Variants in ST7 observed in about 807,000 individuals in gnomAD.
The protein encoded by ST7 is suppressor of tumorigenicity 7 protein.
A neutral mutation model predicts 78.7 loss-of-function variants in ST7; 28 were observed. That is an observed-to-expected ratio of 0.36 (90% CI 0.26 to 0.49). The LOEUF is 0.49. ST7 is among the 20% of genes least tolerant of loss of function. The pLI is 0.99. For synonymous variants in ST7, 247 were observed against 249.6 expected (o/e 0.99, Z 0.10); for missense variants, 418 against 696.0 (o/e 0.60, Z 4.49).
chr7:117,165,039 G>A (rs1051203545), intron 9 of ST7, among the ~76,000 whole-genome samples: 2 of 152,180 alleles, frequency 1.3e-5, no homozygotes, highest in Non-Finnish European at 2.9e-5. Flanking sequence ...ATTCCAGGTG[G>A]TGAAAACAGT....
intron 1 of ST7, among the ~76,000 whole-genome samples, chr7:117,054,119 T>G (rs893291851): frequency 3.3e-5 from 5 of 152,296 alleles, no homozygotes; most frequent in Non-Finnish European, 2.9e-5. Context: ...ATTACAGGCA[T>G]GAGCCACCGT....
At chr7:116,974,959 C>G (rs189081704) in intron 1 of ST7, among the ~76,000 whole-genome samples, 2 of 152,162 alleles carry the variant, frequency 1.3e-5, no homozygotes, top group African/African-American at 4.8e-5. Flanking sequence ...CCTTGCTTGC[C>G]TCATCTCAAT....
At chr7:117,090,287 C>T (rs1800510150) in intron 1 of ST7, among the ~76,000 whole-genome samples, 1 of 152,070 alleles carries the variant, frequency 6.6e-6, no homozygotes, top group African/African-American at 2.4e-5. Context: ...ACGGCAAAGT[C>T]CCAGCCATCA....
At chr7:117,099,713 A>G (rs1378122136) in intron 1 of ST7, 49 bp from the exon 2 acceptor site, 3 of 1,358,066 alleles carry the variant, frequency 2.2e-6, no homozygotes, top group South Asian at 2.5e-5. Flanking sequence ...TTACTGACAT[A>G]CTCATACATT....
At chr7:117,117,080 A>C (rs758654818) in intron 2 of ST7, among the ~76,000 whole-genome samples, 36 of 152,206 alleles carry the variant, frequency 2.4e-4, no homozygotes, top group Non-Finnish European at 4.3e-4. Flanking sequence ...AGTGACAGAG[A>C]GTAGGGGCTT....
rs1183102543 is a variant in ST7, at chr7:117,026,531, A to G, written c.151+72840A>G. 2.0e-5 allele frequency among the ~76,000 whole-genome samples: 3 copies of G among 152,238 alleles called. No individual in the cohort carries two copies. In the East Asian group the frequency reaches 5.8e-4, roughly 29 times the overall value. On this transcript the variant is annotated intron_variant, in intron 1 of 15. Transcript: ENST00000323984. The stretch of plus-strand genomic sequence containing the variant: ...TTTTATTTGTATTAGTAATTAATTC[A>G]GATACTTATGAGCAAAAAAATGAAT...
At chr7:117,216,633 G>A (rs964965382) in intron 13 of ST7, among the ~76,000 whole-genome samples, 1 of 152,110 alleles carries the variant, frequency 6.6e-6, no homozygotes, top group African/African-American at 2.4e-5. Flanking sequence ...CTTGTGCAGT[G>A]CCTCTACCGG....
chr7:117,098,281 C>G (rs181835146), intron 1 of ST7, among the ~76,000 whole-genome samples: 1 of 151,920 alleles, frequency 6.6e-6, no homozygotes, highest in African/African-American at 2.4e-5. Context: ...AAGGCCCATG[C>G]TGTCTCCTTG....
chr7:116,988,976 C>T (rs188091424), intron 1 of ST7, among the ~76,000 whole-genome samples: 85 of 152,156 alleles, frequency 5.6e-4, no homozygotes, highest in Non-Finnish European at 1.0e-3. Context: ...TTGTCCACAG[C>T]GAATGTATGA....
At chr7:117,107,665 G>A (rs1030566968) in intron 2 of ST7, among the ~76,000 whole-genome samples, 7 of 137,510 alleles carry the variant, frequency 5.1e-5, no homozygotes, top group African/African-American at 2.0e-4. Flanking sequence ...CCAGGCTGGA[G>A]TGCAATGGCA....
At chr7:117,195,108 C>CTATT (rs1238193560) in intron 12 of ST7, among the ~76,000 whole-genome samples, 1 of 151,896 alleles carries the variant, frequency 6.6e-6, no homozygotes, top group Non-Finnish European at 1.5e-5. Flanking sequence ...ATATTTAAGA[C>CTATT]TATTTCTAGC....
intron 15 of ST7, among the ~76,000 whole-genome samples, chr7:117,222,479 T>C (rs1224955362): frequency 6.6e-6 from 1 of 152,256 alleles, no homozygotes; most frequent in East Asian, 1.9e-4. Flanking sequence ...TAAATAATTT[T>C]TTTTAATGGC....
intron 1 of ST7, among the ~76,000 whole-genome samples, chr7:117,009,257 G>GTT (rs1171249318): frequency 1.2e-3 from 23 of 18,434 alleles, no homozygotes; most frequent in African/African-American, 2.9e-3. Flanking sequence ...CTTTTTTTTT[G>GTT]TTTTTTTTTT....
rs145149541 is a variant in ST7 at position 116,983,751 on chromosome 7, C to T, written c.151+30060C>T. Among the ~76,000 whole-genome samples, 164 of 152,258 alleles carry T rather than the reference C, an allele frequency of 1.1e-3. 1 individual carries two copies. Among genetic ancestry groups the T allele is most frequent in the African/African-American group, 3.8e-3 (158 of 41,554 alleles). ...TAGATACCTACCTCGCTTGGCCCCA[C>T]CTATGACTTTAGAACTATGTAGGAA... On this transcript the variant is annotated intron_variant, in intron 1 of 15. Transcript: ENST00000323984.
At chr7:117,060,214 A>G (rs1026489547) in intron 1 of ST7, among the ~76,000 whole-genome samples, 1 of 152,148 alleles carries the variant, frequency 6.6e-6, no homozygotes, top group African/African-American at 2.4e-5. Flanking sequence ...GGGGCTAGAC[A>G]CTGGCTGGTT....
rs1381209288 is a variant in ST7 at position 116,956,329 on chromosome 7, C to T, written c.151+2638C>T. 14 of 370,040 alleles carry T rather than the reference C, an allele frequency of 3.8e-5. No homozygotes were observed. In the Admixed American group the frequency reaches 4.8e-4, roughly 13 times the overall value. 22.9% of individuals were successfully genotyped at this position (370,040 alleles called of 1,614,324 possible). On this transcript the variant is annotated intron_variant, in intron 1 of 15. Coordinates refer to ENST00000323984, the MANE Select transcript of ST7 (RefSeq NM_001369598.1). ...GGAGAAAGAAGTCATTAGCCAGCACCCCTGAGAGGGGAGGCAGGAGCTAGC... is the reference window on the plus strand; with the variant it reads ...GGAGAAAGAAGTCATTAGCCAGCACTCCTGAGAGGGGAGGCAGGAGCTAGC...
At chr7:116,983,263 C>T (rs933109758) in intron 1 of ST7, among the ~76,000 whole-genome samples, 4 of 152,142 alleles carry the variant, frequency 2.6e-5, no homozygotes, top group African/African-American at 7.2e-5. Flanking sequence ...ATATTGATAT[C>T]GCAGATCCTC....
rs992629644 is a variant in ST7 at position 117,026,997 on chromosome 7, T to C, written c.152-72765T>C. Among the ~76,000 whole-genome samples, 7 of 152,366 alleles carry C rather than the reference T, an allele frequency of 4.6e-5. No homozygotes were observed. The South Asian group carries it at 1.4e-3, about 32-fold the overall frequency. On this transcript the variant is annotated intron_variant, in intron 1 of 15. Coordinates refer to ENST00000323984, the MANE Select transcript of ST7 (RefSeq NM_001369598.1). ...GCCAGATGCCCTGTGGCAAGCATCATTGATTGGTCATGACACTCTTGCAGG... is the reference window on the plus strand; with the variant it reads ...GCCAGATGCCCTGTGGCAAGCATCACTGATTGGTCATGACACTCTTGCAGG...
intron 1 of ST7, among the ~76,000 whole-genome samples, chr7:116,971,014 G>T (rs1248571777): frequency 3.3e-5 from 5 of 152,094 alleles, no homozygotes; most frequent in African/African-American, 1.2e-4. Flanking sequence ...TCAAAGGAGA[G>T]TACATTTTAA....
Sources: gnomAD v4.1 joint callset for allele counts (sites outside exome capture counted in the v4.1 genomes callset) on GRCh38, gnomAD v4.1.1 for gene constraint, MANE v1.5 for transcripts, NCBI Gene and HGNC (gene_info 2026-07-23, HGNC 2026-07-21) for gene names.